Variants in CLUL1 observed in about 807,000 individuals in gnomAD.
CLUL1 encodes the protein clusterin-like protein 1.
CLUL1 carries 43 observed loss-of-function variants against 49.4 expected under a neutral mutation model. The observed-to-expected ratio is 0.87, with a 90% CI of 0.68 to 1.12. The LOEUF is 1.12. Among genes scored for constraint, CLUL1 ranks in the 50% most tolerant of loss-of-function variants. CLUL1 has a pLI of 0.00. For synonymous variants in CLUL1, 192 were observed against 184.9 expected (o/e 1.04, Z -0.31); for missense variants, 486 against 544.4 (o/e 0.89, Z 1.07).
intron 2 of CLUL1, among the ~76,000 whole-genome samples, chr18:608,772 G>C (rs375503945): frequency 6.6e-6 from 1 of 152,144 alleles, no homozygotes; most frequent in East Asian, 1.9e-4. Context: ...CAGACAATCT[G>C]TCTCCTTTGG....
rs1051490709 is a variant in CLUL1 at position 618,920 on chromosome 18, T to C, written c.107-293T>C. On this transcript the variant is annotated intron_variant, in intron 3 of 9. Coordinates refer to ENST00000692774, the MANE Select transcript of CLUL1 (RefSeq NM_001393344.1). The surrounding 1 kb of genome is among the most constrained non-coding windows in gnomAD (Gnocchi z 4.2). The stretch of plus-strand genomic sequence containing the variant: ...CTCTAATATAAACACACTTGAGTCT[T>C]AAATGAAAGAAAAAAAATGGATAAA... Among the ~76,000 whole-genome samples the C allele has an allele frequency of 6.6e-6, 1 of 151,932 alleles. No homozygotes were observed. The highest frequency in any genetic ancestry group is 2.4e-5 in the African/African-American group (1 of 41,352).
At chr18:604,656 G>A (rs2072920936) in intron 1 of CLUL1, among the ~76,000 whole-genome samples, 1 of 152,146 alleles carries the variant, frequency 6.6e-6, no homozygotes, top group Non-Finnish European at 1.5e-5. Flanking sequence ...CTTGACAACA[G>A]TGATGCAGAA....
chr18:624,797 G>T, intron 4 of CLUL1, 68 bp from the exon 5 acceptor site: 1 of 1,476,050 alleles, frequency 6.8e-7, no homozygotes, highest in Non-Finnish European at 9.4e-7. Context: ...ATTTCAAAGG[G>T]TGAAATCAAC....
intron 7 of CLUL1, among the ~76,000 whole-genome samples, chr18:637,432 T>A (rs2074178039): frequency 6.6e-6 from 1 of 152,102 alleles, no homozygotes; most frequent in Non-Finnish European, 1.5e-5. Flanking sequence ...CCGACCTCAG[T>A]AGTTGGTCTT....
intron 4 of CLUL1, among the ~76,000 whole-genome samples, chr18:619,932 A>G (rs2073438853): frequency 6.6e-6 from 1 of 151,720 alleles, no homozygotes; most frequent in African/African-American, 2.4e-5. Flanking sequence ...CTGGTCCCGA[A>G]CTCTGGGGCT....
chr18:641,088 G>T (rs761976088), intron 7 of CLUL1, among the ~76,000 whole-genome samples: 2 of 152,230 alleles, frequency 1.3e-5, no homozygotes, highest in South Asian at 4.2e-4. Flanking sequence ...TATAACAAAA[G>T]TTCTGTCTCC....
chr18:641,330 G>A lies in CLUL1; in HGVS notation c.998G>A (p.Cys333Tyr). Residue 333 changes from cysteine (C) to tyrosine (Y), a missense_variant, in exon 8 of 10, where the codon TGT becomes TAT. Transcript: ENST00000692774. ...ACATTACTTTCTTCTCTGCTAGACT[G>A]TCCTGATGTACCTGCTCTGCACACA... ...QKCQAHLSED[C>Y]PDVPALHTEL... 2.5e-6 allele frequency: 4 copies of A among 1,614,110 alleles called. No homozygotes were observed. The highest frequency in any genetic ancestry group is 3.4e-6 in the Non-Finnish European group (4 of 1,179,988).
At position 606,384 on chromosome 18, in the gene CLUL1, G is replaced by A. The variant is rs1218131689; in HGVS notation, c.-135-594G>A. ...TCCATGTCACCAACCTTTCTCTGAG[G>A]GAACCTACTGGCCACCTCCCTCTTA... On this transcript the variant is annotated intron_variant, in intron 1 of 9. Coordinates refer to ENST00000692774, the MANE Select transcript of CLUL1 (RefSeq NM_001393344.1). This position sits in a 1 kb window ranked among gnomAD's most constrained non-coding sequence, Gnocchi z 4.1. Among the ~76,000 whole-genome samples, 1 of 152,200 alleles carries A rather than the reference G, an allele frequency of 6.6e-6. No individual in the cohort carries two copies. Among genetic ancestry groups the A allele is most frequent in the Non-Finnish European group, 1.5e-5 (1 of 68,028 alleles).
rs1481913379 is a variant in CLUL1 at position 619,465 on chromosome 18, T to G, written c.255+104T>G. On this transcript the variant is annotated intron_variant, in intron 4 of 9. Coordinates refer to ENST00000692774, the MANE Select transcript of CLUL1 (RefSeq NM_001393344.1). Reference sequence around the variant, plus strand: ...TTACTTATTTTCCTTAGTAATAAATTTCATGGGTAGCTGCTTTTATTTGAG... The same window carrying G: ...TTACTTATTTTCCTTAGTAATAAATGTCATGGGTAGCTGCTTTTATTTGAG... The G allele has an allele frequency of 2.8e-6, 3 of 1,072,456 alleles. No homozygotes were observed. The African/African-American group carries it at 4.9e-5, about 18-fold the overall frequency. 66.4% of individuals were successfully genotyped at this position (1,072,456 alleles called of 1,614,324 possible).
chr18:639,091 T>A (rs1478032219), intron 7 of CLUL1, among the ~76,000 whole-genome samples: 1 of 152,174 alleles, frequency 6.6e-6, no homozygotes, highest in Non-Finnish European at 1.5e-5. Context: ...GTTTTACATT[T>A]CGATTTTTGC....
At position 606,031 on chromosome 18, in the gene CLUL1, G is replaced by A. The variant is rs1292152828; in HGVS notation, c.-135-947G>A. ...TAATGAATTTACACGTTACCCAAATGTTCCCTAGTTTTTCTGCCTTCCAAG... is the reference window on the plus strand; with the variant it reads ...TAATGAATTTACACGTTACCCAAATATTCCCTAGTTTTTCTGCCTTCCAAG... On this transcript the variant is annotated intron_variant, in intron 1 of 9. Transcript: ENST00000692774. This position sits in a 1 kb window ranked among gnomAD's most constrained non-coding sequence, Gnocchi z 4.1. 6.6e-6 allele frequency among the ~76,000 whole-genome samples: 1 copy of A among 151,654 alleles called. No individual in the cohort carries two copies. The highest frequency in any genetic ancestry group is 1.5e-5 in the Non-Finnish European group (1 of 67,930).
chr18:619,108 T>G, intron 3 of CLUL1, 105 bp from the exon 4 acceptor site: 1 of 1,102,464 alleles, frequency 9.1e-7, no homozygotes, highest in South Asian at 1.6e-5. Flanking sequence ...TATGAGCCTA[T>G]AAGAGAACAA....
chr18:622,032 C>T (rs745941779), intron 4 of CLUL1, among the ~76,000 whole-genome samples: 9 of 151,218 alleles, frequency 6.0e-5, no homozygotes, highest in Non-Finnish European at 1.3e-4. Context: ...GAAAGTTAAT[C>T]GGAAAAAAAA....
rs556496393 is a variant in CLUL1, at chr18:604,983, G to A, written c.-135-1995G>A. Among the ~76,000 whole-genome samples, 170 of 152,242 alleles carry A rather than the reference G, an allele frequency of 1.1e-3. 4 individuals are homozygous for A. Among genetic ancestry groups the A allele is most frequent in the Non-Finnish European group, 2.8e-4 (19 of 68,004 alleles). ...ATGTTTAGACAAGCTCCCTGTGCAC[G>A]TTCCCTTATCTGCACAAAACATGGG... On this transcript the variant is annotated intron_variant, in intron 1 of 9. Coordinates refer to ENST00000692774, the MANE Select transcript of CLUL1 (RefSeq NM_001393344.1).
At chr18:602,252 C>T (rs1268020713) in intron 1 of CLUL1, among the ~76,000 whole-genome samples, 1 of 152,160 alleles carries the variant, frequency 6.6e-6, no homozygotes, top group Non-Finnish European at 1.5e-5. Context: ...ATTGGTCTTG[C>T]CCTCAGGAAC....
chr18:615,422 G>C (rs576781345), intron 2 of CLUL1, among the ~76,000 whole-genome samples: 4 of 152,208 alleles, frequency 2.6e-5, no homozygotes, highest in African/African-American at 9.6e-5. Flanking sequence ...TTTGCTTCCT[G>C]AAAACTGGTT....
chr18:599,037 G>T (rs909611806), intron 1 of CLUL1, among the ~76,000 whole-genome samples: 1 of 152,116 alleles, frequency 6.6e-6, no homozygotes, highest in Non-Finnish European at 1.5e-5. Context: ...AAGCGCTAAA[G>T]ATACAAATAC....
intron 4 of CLUL1, among the ~76,000 whole-genome samples, chr18:622,840 C>G (rs1449668718): frequency 6.6e-6 from 1 of 152,032 alleles, no homozygotes; most frequent in East Asian, 1.9e-4. Flanking sequence ...TACTGTTATT[C>G]CTATTATTCT....
intron 7 of CLUL1, among the ~76,000 whole-genome samples, chr18:638,193 G>C (rs980348176): frequency 5.3e-5 from 8 of 152,194 alleles, no homozygotes; most frequent in East Asian, 3.9e-4. Flanking sequence ...ACAGTTGCAA[G>C]GTTATATACA....
Sources: allele counts gnomAD v4.1 joint callset (sites outside exome capture counted in the v4.1 genomes callset), GRCh38; gene constraint gnomAD v4.1.1; non-coding constraint Gnocchi (gnomAD v3.1); transcripts MANE v1.5; gene names NCBI Gene and HGNC (gene_info 2026-07-23, HGNC 2026-07-21).